USP34: variants seen among roughly 807,000 people sequenced by gnomAD.
USP34 encodes the protein ubiquitin specific peptidase 34.
A neutral mutation model predicts 460.3 loss-of-function variants in USP34; 70 were observed. The ratio of observed to expected loss-of-function variants is 0.15; its 90% confidence interval spans 0.13 to 0.19. The LOEUF is 0.19. Ranked by LOEUF, USP34 falls within the 10% of genes least tolerant of loss-of-function variation. The pLI, the probability that USP34 is intolerant of heterozygous loss-of-function variation, is 1.00. For missense variants in USP34, 3,985 were observed against 4,236.2 expected (o/e 0.94, Z 1.65); for synonymous variants, 1,647 against 1,405.3 (o/e 1.17, Z -3.85).
intron 1 of USP34, among the ~76,000 whole-genome samples, chr2:61,463,488 G>T (rs1293477451): frequency 1.3e-5 from 2 of 152,064 alleles, no homozygotes; most frequent in Non-Finnish European, 2.9e-5. Flanking sequence ...TTTGCCAACT[G>T]AACAGTGGTG....
At chr2:61,206,989 CTG>C (rs1189417791) in intron 70 of USP34, 103 bp from the exon 71 acceptor site, 19 of 1,269,178 alleles carry the variant, frequency 1.5e-5, no homozygotes, top group Middle Eastern at 2.4e-4. Flanking sequence ...CAGACTCAGA[CTG>C]TGTGTGCACA....
intron 62 of USP34, among the ~76,000 whole-genome samples, chr2:61,224,955 T>C (rs577109018): frequency 6.6e-6 from 1 of 152,300 alleles, no homozygotes; most frequent in Non-Finnish European, 1.5e-5. Context: ...TCCCAAGAAC[T>C]GTAACTAGTC....
intron 5 of USP34, among the ~76,000 whole-genome samples, chr2:61,385,261 T>C (rs927608985): frequency 2.0e-5 from 3 of 152,196 alleles, no homozygotes; most frequent in African/African-American, 2.4e-5. Context: ...GCCATATTTA[T>C]TGTGAAGATA....
intron 8 of USP34, among the ~76,000 whole-genome samples, chr2:61,377,008 A>T (rs1388522086): frequency 6.6e-6 from 1 of 152,232 alleles, no homozygotes; most frequent in Non-Finnish European, 1.5e-5. Flanking sequence ...GTGAAACAAC[A>T]CTTCTAATAT....
intron 8 of USP34, among the ~76,000 whole-genome samples, chr2:61,374,380 T>C (rs142946586): frequency 6.6e-6 from 1 of 152,320 alleles, no homozygotes; most frequent in East Asian, 1.9e-4. Context: ...CCATGGTTTC[T>C]ATATTTGTTA....
At chr2:61,291,213 T>A (rs1488007989) in intron 33 of USP34, among the ~76,000 whole-genome samples, 2 of 152,126 alleles carry the variant, frequency 1.3e-5, no homozygotes. Context: ...TCAACCTCAT[T>A]AGTCACCAAG....
intron 2 of USP34, among the ~76,000 whole-genome samples, chr2:61,413,751 G>A (rs1694114803): frequency 6.8e-6 from 1 of 147,398 alleles, no homozygotes; most frequent in South Asian, 2.1e-4. Context: ...GCCAAGGCGG[G>A]TGGATTGCCT....
chr2:61,326,689 G>C lies in USP34; in HGVS notation c.2931-1232C>G, dbSNP rs148371278. Among the ~76,000 whole-genome samples the C allele has an allele frequency of 2.3e-3, 343 of 151,840 alleles. 6 individuals carry two copies. The East Asian group carries it at 0.048, about 21-fold the overall frequency. On this transcript the variant is annotated intron_variant, in intron 20 of 79. Transcript: ENST00000398571. ...TTTACAGATCAAAAGGCAGACTGTG[G>C]ATCAACTGCCCAAACTGCTTTGCCA...
At chr2:61,327,011 C>T (rs1430039185) in intron 20 of USP34, among the ~76,000 whole-genome samples, 2 of 151,954 alleles carry the variant, frequency 1.3e-5, no homozygotes, top group East Asian at 3.9e-4. Flanking sequence ...GTCTCTAACT[C>T]CTGACCTCAG....
At chr2:61,273,160 C>T (rs1436133643) in intron 41 of USP34, among the ~76,000 whole-genome samples, 8 of 152,048 alleles carry the variant, frequency 5.3e-5, no homozygotes, top group Non-Finnish European at 2.9e-5. Context: ...CTAAGAAATA[C>T]TTAAAACCTA....
intron 27 of USP34, among the ~76,000 whole-genome samples, chr2:61,301,799 A>C (rs1019122153): frequency 6.6e-6 from 1 of 152,176 alleles, no homozygotes; most frequent in African/African-American, 2.4e-5. Context: ...ACCTCTTTCA[A>C]GTCTCTCATC....
intron 66 of USP34, among the ~76,000 whole-genome samples, chr2:61,221,026 G>A (rs1687567548): frequency 6.6e-6 from 1 of 152,166 alleles, no homozygotes; most frequent in South Asian, 2.1e-4. Flanking sequence ...CAGCAAAGTT[G>A]AGTAGTTTCA....
chr2:61,346,551 A>G (rs1405899077), intron 15 of USP34, among the ~76,000 whole-genome samples: 2 of 141,142 alleles, frequency 1.4e-5, no homozygotes, highest in Non-Finnish European at 3.1e-5. Context: ...AAAAAAAAAA[A>G]AAGGCCAGGT....
intron 62 of USP34, among the ~76,000 whole-genome samples, chr2:61,224,597 A>G (rs1439612141): frequency 6.6e-6 from 1 of 152,158 alleles, no homozygotes; most frequent in Non-Finnish European, 1.5e-5. Context: ...CTCAATCACC[A>G]TTTGGTTGCC....
chr2:61,440,886 G>A (rs1694945795), intron 1 of USP34, among the ~76,000 whole-genome samples: 1 of 151,824 alleles, frequency 6.6e-6, no homozygotes, highest in East Asian at 2.0e-4. Flanking sequence ...TCAGCACTAT[G>A]GGAGGCCGAG....
intron 68 of USP34, 115 bp downstream of exon 68, chr2:61,213,945 C>A: frequency 7.9e-7 from 1 of 1,269,416 alleles, no homozygotes; most frequent in Non-Finnish European, 1.1e-6. Context: ...ACATTAAGTT[C>A]TTAAGAAAGA....
intron 48 of USP34, chr2:61,250,242 G>A (rs1688539586): frequency 5.5e-6 from 1 of 180,774 alleles, no homozygotes. Context: ...CTCTCAGTCT[G>A]AGGAAGGTTA....
chr2:61,452,042 C>T (rs940732172), intron 1 of USP34, among the ~76,000 whole-genome samples: 11 of 151,570 alleles, frequency 7.3e-5, no homozygotes, highest in South Asian at 2.1e-4. Flanking sequence ...GGCGTGGTGG[C>T]GGGCGCCTGT....
At chr2:61,331,112 T>A (rs115634960) in intron 20 of USP34, among the ~76,000 whole-genome samples, 164 bp downstream of exon 20, 151 of 152,226 alleles carry the variant, frequency 9.9e-4, no homozygotes, top group African/African-American at 3.1e-3. Context: ...CTCCTAAGAA[T>A]CTTTCAGCTT....
Sources: allele counts gnomAD v4.1 joint callset (sites outside exome capture counted in the v4.1 genomes callset), GRCh38; gene constraint gnomAD v4.1.1; transcripts MANE v1.5; gene names NCBI Gene and HGNC (gene_info 2026-07-23, HGNC 2026-07-21).